Variants in FRK observed in about 807,000 individuals in gnomAD.
The protein encoded by FRK is fyn related Src family tyrosine kinase.
In FRK, 51 loss-of-function variants were observed where a neutral mutation model predicts 56.4. That is an observed-to-expected ratio of 0.90 (90% CI 0.72 to 1.14). The LOEUF (loss-of-function observed/expected upper bound fraction) is 1.14. FRK is among the 50% of genes most tolerant of loss of function. FRK has a pLI of 0.00. For synonymous variants in FRK, 245 were observed against 217.9 expected (o/e 1.12, Z -1.10); for missense variants, 570 against 601.4 (o/e 0.95, Z 0.55).
At chr6:116,041,922 C>A (rs1173488283) in intron 1 of FRK, among the ~76,000 whole-genome samples, 1 of 152,190 alleles carries the variant, frequency 6.6e-6, no homozygotes, top group Non-Finnish European at 1.5e-5. Flanking sequence ...GGAAAGGGGG[C>A]TGAAAGCCAG....
At chr6:115,972,285 C>A (rs1434108205) in intron 2 of FRK, among the ~76,000 whole-genome samples, 1 of 152,190 alleles carries the variant, frequency 6.6e-6, no homozygotes, top group African/African-American at 2.4e-5. Flanking sequence ...TTACACATCC[C>A]TTGCCCTGAC....
intron 5 of FRK, among the ~76,000 whole-genome samples, chr6:115,953,468 C>T (rs1772866655): frequency 6.6e-6 from 1 of 152,122 alleles, no homozygotes. Context: ...GGATTACAGG[C>T]GTGAGCCACC....
chr6:116,048,597 G>T (rs954168625), intron 1 of FRK, among the ~76,000 whole-genome samples: 2 of 151,948 alleles, frequency 1.3e-5, no homozygotes, highest in African/African-American at 4.8e-5. Context: ...TGTTGCCCAG[G>T]CTGGTCTCAA....
At chr6:115,994,321 A>G in intron 2 of FRK, among the ~76,000 whole-genome samples, 1 of 47,812 alleles carries the variant, frequency 2.1e-5, no homozygotes, top group Non-Finnish European at 4.9e-5. Flanking sequence ...GAATCTCACA[A>G]CCTCCCCCCC....
chr6:116,080,895 C>A, the FRK span, among the ~76,000 whole-genome samples: 1 of 152,262 alleles, frequency 6.6e-6, no homozygotes, highest in Non-Finnish European at 1.5e-5. Context: ...TTGTATTAGT[C>A]TGTTCTCATG....
chr6:116,068,603 A>G, the FRK span, among the ~76,000 whole-genome samples: 1 of 152,150 alleles, frequency 6.6e-6, no homozygotes, highest in African/African-American at 2.4e-5. Flanking sequence ...TAACTGTAGC[A>G]GTTTTCCTGA....
At chr6:115,976,550 C>A (rs1773998427) in intron 2 of FRK, among the ~76,000 whole-genome samples, 1 of 152,094 alleles carries the variant, frequency 6.6e-6, no homozygotes, top group Non-Finnish European at 1.5e-5. Context: ...TGTTTTTCAG[C>A]TGGTCTTCTG....
chr6:115,966,140 G>C lies in FRK; in HGVS notation c.799+1411C>G, dbSNP rs973921939. ...AATAGCCATTTGAAAAAGTAACACAGGTAAATTGAAAGGAAAACATAATTC... is the reference window on the plus strand; with the variant it reads ...AATAGCCATTTGAAAAAGTAACACACGTAAATTGAAAGGAAAACATAATTC... On this transcript the variant is annotated intron_variant, in intron 4 of 7. Transcript: ENST00000606080. 3.0e-4 allele frequency among the ~76,000 whole-genome samples: 45 copies of C among 149,454 alleles called. 1 individual carries two copies. Among genetic ancestry groups the C allele is most frequent in the African/African-American group, 1.1e-3 (44 of 40,752 alleles).
At chr6:115,965,236 G>A (rs76787788) in intron 4 of FRK, among the ~76,000 whole-genome samples, 6 of 133,750 alleles carry the variant, frequency 4.5e-5, no homozygotes, top group South Asian at 2.7e-4. Context: ...AAAAGTGGGC[G>A]AAGGACATGA....
chr6:116,086,141 G>T, the FRK span, among the ~76,000 whole-genome samples: 3 of 152,112 alleles, frequency 2.0e-5, no homozygotes, highest in East Asian at 1.9e-4. Flanking sequence ...GAGTAGCTTG[G>T]ACTACAGGTA....
the FRK span, among the ~76,000 whole-genome samples, chr6:116,091,822 T>C: frequency 5.3e-5 from 8 of 152,252 alleles, no homozygotes; most frequent in Admixed American, 4.6e-4. Flanking sequence ...CCACTTTTCC[T>C]GTACTTCTGG....
chr6:116,005,966 T>C (rs1775233187), intron 1 of FRK, among the ~76,000 whole-genome samples: 1 of 152,154 alleles, frequency 6.6e-6, no homozygotes. Flanking sequence ...GAAGTTTTCT[T>C]TAGCAAGACA....
chr6:115,999,304 C>A (rs916364230), intron 2 of FRK, among the ~76,000 whole-genome samples: 1 of 152,134 alleles, frequency 6.6e-6, no homozygotes, highest in Non-Finnish European at 1.5e-5. Context: ...CTCTGGCTAC[C>A]ACATATAATA....
At chr6:116,024,819 T>C (rs1776024295) in intron 1 of FRK, among the ~76,000 whole-genome samples, 2 of 152,180 alleles carry the variant, frequency 1.3e-5, no homozygotes, top group South Asian at 4.1e-4. Context: ...TTTCCAGTTC[T>C]AGATCCCTGA....
At chr6:116,015,592 AG>A (rs1430611203) in intron 1 of FRK, among the ~76,000 whole-genome samples, 2 of 152,190 alleles carry the variant, frequency 1.3e-5, no homozygotes, top group Non-Finnish European at 2.9e-5. Context: ...AGGAATATGT[AG>A]GAAAGTTTGG....
chr6:116,057,189 A>G (rs1777432347), intron 1 of FRK, among the ~76,000 whole-genome samples: 3 of 152,322 alleles, frequency 2.0e-5, no homozygotes. Flanking sequence ...TTGCCTACTC[A>G]TCCCATACAT....
the FRK span, among the ~76,000 whole-genome samples, chr6:116,083,076 G>A: frequency 8.9e-4 from 136 of 152,328 alleles, no homozygotes; most frequent in African/African-American, 3.2e-3. Context: ...TGAAGAAGGA[G>A]TAGGGTTCCT....
chr6:115,968,454 A>AC (rs371913421), intron 3 of FRK, 122 bp downstream of exon 3: 3 of 1,059,026 alleles, frequency 2.8e-6, no homozygotes, highest in Non-Finnish European at 4.2e-6. Flanking sequence ...GTTTGCCTAT[A>AC]CCCGCCTGAG....
intron 2 of FRK, among the ~76,000 whole-genome samples, chr6:115,969,742 G>A (rs1773730449): frequency 6.6e-6 from 1 of 152,188 alleles, no homozygotes; most frequent in African/African-American, 2.4e-5. Context: ...CCTCCAGACA[G>A]GAAGCAAGCT....
Sources: allele counts gnomAD v4.1 joint callset (sites outside exome capture counted in the v4.1 genomes callset), GRCh38; gene constraint gnomAD v4.1.1; transcripts MANE v1.5; gene names NCBI Gene and HGNC (gene_info 2026-07-23, HGNC 2026-07-21).